Variants in AP5M1 observed in about 807,000 individuals in gnomAD.
AP5M1 encodes the protein AP-5 complex subunit mu-1.
In AP5M1, 44 loss-of-function variants were observed where a neutral mutation model predicts 52.3. That is an observed-to-expected ratio of 0.84 (90% CI 0.66 to 1.08). The LOEUF (loss-of-function observed/expected upper bound fraction) is 1.08, where lower values mean the gene tolerates loss of function less well. Among genes scored for constraint, AP5M1 ranks in the 50% least tolerant of loss-of-function variants. The pLI is 0.00. For missense variants in AP5M1, 526 were observed against 568.4 expected (o/e 0.93, Z 0.76); for synonymous variants, 213 against 199.0 (o/e 1.07, Z -0.59).
At chr14:57,282,590 C>T (rs72720617) in intron 4 of AP5M1, among the ~76,000 whole-genome samples, 10,409 of 152,142 alleles carry the variant, frequency 0.068, 550 homozygotes, top group Non-Finnish European at 0.1. Context: ...ATCAATTCTA[C>T]TTTTAAATTT....
At chr14:57,281,514 C>T (rs1381474720) in intron 3 of AP5M1, among the ~76,000 whole-genome samples, 2 of 152,232 alleles carry the variant, frequency 1.3e-5, no homozygotes, top group African/African-American at 4.8e-5. Context: ...CAAGGTCCAC[C>T]CTGTCTGTCA....
chr14:57,274,673 A>G lies in AP5M1; in HGVS notation c.504A>G (p.Pro168=), dbSNP rs1306983851. The G allele has an allele frequency of 8.1e-6, 13 of 1,614,090 alleles. No individual in the cohort carries two copies. The highest frequency in any genetic ancestry group is 4.5e-5 in the East Asian group (2 of 44,888). The part of the protein sequence containing the change: ...QLPDLLLQAC[P]FGTLLDANLQ... Reference sequence around the variant, plus strand: ...CTGACTTGCTTCTGCAGGCTTGTCCATTTGGTACTTTATTAGATGCCAACT... The same window carrying G: ...CTGACTTGCTTCTGCAGGCTTGTCCGTTTGGTACTTTATTAGATGCCAACT... The change falls in exon 2 of 8, where the codon CCA becomes CCG. Residue 168 remains proline, a synonymous_variant. Transcript: ENST00000261558.
In AP5M1 at chr14:57,273,381, C is replaced by T. The variant is rs192228771; in HGVS notation, c.75-863C>T. 3.3e-5 allele frequency among the ~76,000 whole-genome samples: 5 copies of T among 151,952 alleles called. No homozygotes were observed. The South Asian group carries it at 6.2e-4, about 19-fold the overall frequency. On this transcript the variant is annotated intron_variant, in intron 1 of 7. Transcript: ENST00000261558. The stretch of plus-strand genomic sequence containing the variant: ...TTGTTGCCACCCCTTTATTTACAAA[C>T]GAGAAAATAGGCAAAGGGAAGTTAA...
intron 1 of AP5M1, 49 bp from the exon 2 acceptor site, chr14:57,274,195 G>A: frequency 6.6e-7 from 1 of 1,521,130 alleles, no homozygotes; most frequent in South Asian, 1.3e-5. Context: ...CTTTCATCTT[G>A]ATTTTACTTG....
intron 1 of AP5M1, among the ~76,000 whole-genome samples, chr14:57,272,494 T>C (rs1303453431): frequency 6.6e-6 from 1 of 152,234 alleles, no homozygotes; most frequent in Non-Finnish European, 1.5e-5. Context: ...CCCATAGTTG[T>C]AGGCCCATTT....
At chr14:57,276,167 C>G (rs1215696563) in intron 2 of AP5M1, among the ~76,000 whole-genome samples, 1 of 151,958 alleles carries the variant, frequency 6.6e-6, no homozygotes, top group Non-Finnish European at 1.5e-5. Context: ...CAGTTACTCA[C>G]TTTATTAGAA....
rs1044372182 is a variant in AP5M1 at position 57,298,029 on chromosome 14, T to A, written c.*9145T>A. 5.9e-5 allele frequency: 9 copies of A among 152,184 alleles called. No homozygotes were observed. The highest frequency in any genetic ancestry group is 2.2e-4 in the African/African-American group (9 of 41,438). 9.4% of individuals were successfully genotyped at this position (152,184 alleles called of 1,614,324 possible). A position where few individuals can be genotyped will look rare whatever the true frequency, so the allele number is the denominator to read the frequency against. ...AGTGCCTTGGCTTAAACTGTCAGAC[T>A]GGCAACAGCTGAGGCTGCCCATCAT... On this transcript the variant is annotated 3_prime_UTR_variant, in exon 8 of 8. Coordinates refer to ENST00000261558, the MANE Select transcript of AP5M1 (RefSeq NM_018229.4).
intron 1 of AP5M1, chr14:57,273,815 AG>A (rs1371444939): frequency 1.5e-6 from 1 of 685,852 alleles, no homozygotes; most frequent in African/African-American, 1.8e-5. Flanking sequence ...AAAATTATGG[AG>A]GGTTAAATTG....
rs1262442181 is a variant in AP5M1 at position 57,298,499 on chromosome 14, T to A, written c.*9615T>A. The stretch of plus-strand genomic sequence containing the variant: ...TTGTAGGGTTATTGTGAGCATTGAA[T>A]GATACCAAGTTATAAGTGCATAGGT... On this transcript the variant is annotated 3_prime_UTR_variant, in exon 8 of 8. Coordinates refer to ENST00000261558, the MANE Select transcript of AP5M1 (RefSeq NM_018229.4). The A allele has an allele frequency of 6.6e-6, 1 of 152,192 alleles. No individual in the cohort carries two copies. Among genetic ancestry groups the A allele is most frequent in the East Asian group, 1.9e-4 (1 of 5,198 alleles). 9.4% of individuals were successfully genotyped at this position (152,192 alleles called of 1,614,324 possible).
In AP5M1 at chr14:57,274,273, G is replaced by A; in HGVS notation, c.104G>A (p.Arg35Lys). The A allele has an allele frequency of 6.2e-7, 1 of 1,612,842 alleles. No homozygotes were observed. Among genetic ancestry groups the A allele is most frequent in the Non-Finnish European group, 8.5e-7 (1 of 1,179,254 alleles). The change falls in exon 2 of 8, where the codon AGA (arginine) becomes AAA (lysine). Residue 35 changes from arginine to lysine, a missense_variant. By Grantham distance (26) the Arg-to-Lys change is conservative (BLOSUM62 2). Transcript: ENST00000261558. ...TATCCAACTGTTGAAAAACGAGCCAGAGTCTTCAATGGAGCAAGTTATGTG... is the reference window on the plus strand; with the variant it reads ...TATCCAACTGTTGAAAAACGAGCCAAAGTCTTCAATGGAGCAAGTTATGTG... ...RRYPTVEKRA[R>K]VFNGASYVPV...
rs960153434 is a variant in AP5M1 at position 57,292,590 on chromosome 14, G to A, written c.*3706G>A. The A allele has an allele frequency of 6.6e-6, 1 of 151,698 alleles. No homozygotes were observed. Among genetic ancestry groups the A allele is most frequent in the Non-Finnish European group, 1.5e-5 (1 of 67,788 alleles). The allele number at this position is 151,698 out of a possible 1,614,324, so 9.4% of individuals were successfully genotyped here. A position where few individuals can be genotyped will look rare whatever the true frequency, so the allele number is the denominator to read the frequency against. On this transcript the variant is annotated 3_prime_UTR_variant, in exon 8 of 8. Transcript: ENST00000261558. ...CTAACAATGATATTAGGAAACATAGGCTTTGAAGAAAGAAGAAACAAAGAC... is the reference window on the plus strand; with the variant it reads ...CTAACAATGATATTAGGAAACATAGACTTTGAAGAAAGAAGAAACAAAGAC...
intron 6 of AP5M1, among the ~76,000 whole-genome samples, 200 bp downstream of exon 6, chr14:57,283,430 A>G (rs1025687259): frequency 3.3e-5 from 5 of 152,130 alleles, no homozygotes; most frequent in African/African-American, 1.2e-4. Context: ...TAATACTTGA[A>G]CATTTTAAAA....
At position 57,288,971 on chromosome 14, in the gene AP5M1, T is replaced by C; in HGVS notation, c.*87T>C. 1 of 749,184 alleles carries C rather than the reference T, an allele frequency of 1.3e-6. No individual in the cohort carries two copies. The highest frequency in any genetic ancestry group is 2.1e-6 in the Non-Finnish European group (1 of 465,242). The allele number at this position is 749,184 out of a possible 1,614,324, so 46.4% of individuals were successfully genotyped here. Reference sequence around the variant, plus strand: ...ATTTTTAATGTGGATGCATATAACCTGTGAGTGAAAAATCACTGAATGATT... The same window carrying C: ...ATTTTTAATGTGGATGCATATAACCCGTGAGTGAAAAATCACTGAATGATT... On this transcript the variant is annotated 3_prime_UTR_variant, in exon 8 of 8. Coordinates refer to ENST00000261558, the MANE Select transcript of AP5M1 (RefSeq NM_018229.4).
At chr14:57,282,317 ATTTT>A in intron 4 of AP5M1, 89 bp downstream of exon 4, 3 of 1,032,804 alleles carry the variant, frequency 2.9e-6, no homozygotes, top group Non-Finnish European at 4.0e-6. Flanking sequence ...CTTTTACCTT[ATTTT>A]TAAGGTCTGA....
Position 57,274,587 on chromosome 14 carries a change from G to T in AP5M1, c.418G>T (p.Asp140Tyr). 6.2e-7 allele frequency: 1 copy of T among 1,614,082 alleles called. No homozygotes were observed. Among genetic ancestry groups the T allele is most frequent in the Non-Finnish European group, 8.5e-7 (1 of 1,180,004 alleles). Reference sequence around the variant, plus strand: ...CTTTGAATTTCTTTTTGGGATACAGGATTTTCTTTATTCAGGTCAAAAAAA... The same window carrying T: ...CTTTGAATTTCTTTTTGGGATACAGTATTTTCTTTATTCAGGTCAAAAAAA... ...QGFEFLFGIQ[D>Y]FLYSGQKNDS... The change falls in exon 2 of 8, where the codon GAT (aspartate) becomes TAT (tyrosine). Residue 140 changes from aspartate to tyrosine, a missense_variant. Asp to Tyr is a radical substitution (Grantham distance 160). Coordinates refer to ENST00000261558, the MANE Select transcript of AP5M1 (RefSeq NM_018229.4).
At chr14:57,270,049 C>T (rs1264775705) in intron 1 of AP5M1, among the ~76,000 whole-genome samples, 3 of 152,190 alleles carry the variant, frequency 2.0e-5, no homozygotes, top group Non-Finnish European at 4.4e-5. Context: ...ACCTCGTGAT[C>T]CGCCCGCCTT....
Position 57,285,360 on chromosome 14 carries a change from C to G in AP5M1, c.1294-863C>G, listed in dbSNP as rs75894169. Among the ~76,000 whole-genome samples the G allele has an allele frequency of 2.2e-3, 332 of 152,262 alleles. 2 individuals are homozygous for G. The highest frequency in any genetic ancestry group is 7.6e-3 in the African/African-American group (314 of 41,548). On this transcript the variant is annotated intron_variant, in intron 6 of 7. Transcript: ENST00000261558. ...TTTTCTATTCATTCCCATCACCAAC[C>G]AGTTACACTCACATTGAAAGCATGT...
chr14:57,275,889 T>C (rs1885023142), intron 2 of AP5M1, among the ~76,000 whole-genome samples: 1 of 152,176 alleles, frequency 6.6e-6, no homozygotes. Context: ...TTCCTACAAG[T>C]TTATATTAAT....
rs1885479820 is a variant in AP5M1 at position 57,293,326 on chromosome 14, C to T, written c.*4442C>T. 1 of 151,566 alleles carries T rather than the reference C, an allele frequency of 6.6e-6. No individual in the cohort carries two copies. Among genetic ancestry groups the T allele is most frequent in the Non-Finnish European group, 1.5e-5 (1 of 67,754 alleles). 9.4% of individuals were successfully genotyped at this position (151,566 alleles called of 1,614,324 possible). On this transcript the variant is annotated 3_prime_UTR_variant, in exon 8 of 8. Transcript: ENST00000261558. ...TTTAGTTATATACAGCATTTTAATG[C>T]TTAGTAATTACTGTTCTAGTAGCAT... is the stretch of plus-strand genomic sequence containing the variant.
Sources: allele counts gnomAD v4.1 joint callset (sites outside exome capture counted in the v4.1 genomes callset), GRCh38; gene constraint gnomAD v4.1.1; transcripts MANE v1.5; gene names NCBI Gene and HGNC (gene_info 2026-07-23, HGNC 2026-07-21).